Variants in ANTXR1 observed in about 807,000 individuals in gnomAD.
ANTXR1 encodes anthrax toxin receptor 1.
In ANTXR1, 19 loss-of-function variants were observed where a neutral mutation model predicts 78.1. The ratio of observed to expected loss-of-function variants is 0.24; its 90% CI spans 0.17 to 0.36. ANTXR1 has a LOEUF of 0.36. Among genes scored for constraint, ANTXR1 ranks in the 10% least tolerant of loss-of-function variants. ANTXR1 has a pLI of 1.00. For missense variants in ANTXR1, 518 were observed against 718.6 expected (o/e 0.72, Z 3.19); for synonymous variants, 273 against 260.5 (o/e 1.05, Z -0.46).
rs188992227 is a variant in ANTXR1, at chr2:69,179,315, G to A, written c.1090-2471G>A. On this transcript the variant is annotated intron_variant, in intron 14 of 17. Transcript: ENST00000303714. ...TAATCCCAGCACATTGGGAGGCTGA[G>A]GTGAGAGGATCACTTGAGCCCAGGA... Among the ~76,000 whole-genome samples the A allele has an allele frequency of 4.2e-4, 64 of 152,296 alleles. 1 individual carries two copies. The East Asian group carries it at 0.011, about 27-fold the overall frequency.
chr2:69,124,949 G>A (rs1672483827), intron 12 of ANTXR1, among the ~76,000 whole-genome samples: 2 of 152,182 alleles, frequency 1.3e-5, no homozygotes, highest in African/African-American at 4.8e-5. Flanking sequence ...AATGAGGGTG[G>A]AGTCCCAGAT....
chr2:69,120,509 T>A (rs4319965), intron 10 of ANTXR1, among the ~76,000 whole-genome samples: 45,017 of 151,534 alleles, frequency 0.3, 7,940 homozygotes, highest in African/African-American at 0.5. Flanking sequence ...ACTAAAAAAA[T>A]ATATAGAAAT....
intron 17 of ANTXR1, among the ~76,000 whole-genome samples, chr2:69,208,893 T>C (rs543232701): frequency 6.6e-6 from 1 of 152,318 alleles, no homozygotes; most frequent in African/African-American, 2.4e-5. Context: ...TAAGCCAGCA[T>C]GTTAGGTGTT....
chr2:69,182,013 G>T (rs1674288576), intron 15 of ANTXR1, 132 bp downstream of exon 15: 4 of 876,704 alleles, frequency 4.6e-6, no homozygotes, highest in Non-Finnish European at 7.4e-6. Flanking sequence ...CCACACTGAT[G>T]ACTCAATGTC....
At position 69,193,358 on chromosome 2, in the gene ANTXR1, C is replaced by T; in HGVS notation, c.1377C>T (p.Val459=). 1 of 1,613,748 alleles carries T rather than the reference C, an allele frequency of 6.2e-7. No homozygotes were observed. Among genetic ancestry groups the T allele is most frequent in the South Asian group, 1.1e-5 (1 of 91,058 alleles). Residue 459 remains valine (V), a synonymous_variant, in exon 17 of 18, where the codon GTC becomes GTT. Coordinates refer to ENST00000303714, the MANE Select transcript of ANTXR1 (RefSeq NM_032208.3). ...PIKGKLDALW[V]LLRKGYDRVS... ...AGGGAAAACTCGATGCCTTGTGGGT[C>T]CTACTGAGGAAAGGATATGATCGTG...
intron 10 of ANTXR1, among the ~76,000 whole-genome samples, chr2:69,122,635 T>G (rs1194603140): frequency 1.3e-5 from 2 of 152,226 alleles, no homozygotes; most frequent in Non-Finnish European, 2.9e-5. Flanking sequence ...AGGGTACATG[T>G]GCACAACGTG....
At chr2:69,242,207 G>A (rs1675912039) in intron 17 of ANTXR1, among the ~76,000 whole-genome samples, 1 of 152,076 alleles carries the variant, frequency 6.6e-6, no homozygotes, top group Admixed American at 6.5e-5. Flanking sequence ...CCATCCCTCT[G>A]CTGCTCTGGC....
At chr2:69,089,346 T>C (rs1478264153) in intron 8 of ANTXR1, among the ~76,000 whole-genome samples, 1 of 152,254 alleles carries the variant, frequency 6.6e-6, no homozygotes, top group Non-Finnish European at 1.5e-5. Context: ...AATGCTTCTC[T>C]ATAAGGATGC....
chr2:69,030,244 T>C (rs1163385273), intron 1 of ANTXR1, among the ~76,000 whole-genome samples: 2 of 152,174 alleles, frequency 1.3e-5, no homozygotes, highest in African/African-American at 4.8e-5. Context: ...TCTGGACCAG[T>C]TGGTTTCATG....
intron 3 of ANTXR1, among the ~76,000 whole-genome samples, chr2:69,069,054 A>G (rs1214116460): frequency 6.6e-6 from 1 of 152,144 alleles, no homozygotes; most frequent in Non-Finnish European, 1.5e-5. Flanking sequence ...GTTACTTGGT[A>G]TTAAATATTC....
At chr2:69,076,109 G>A (rs1670723436) in intron 7 of ANTXR1, among the ~76,000 whole-genome samples, 1 of 151,932 alleles carries the variant, frequency 6.6e-6, no homozygotes, top group Admixed American at 6.6e-5. Context: ...TGAATAGCTG[G>A]GACTACAGAC....
At chr2:69,045,853 CTTA>C (rs1246220984) in intron 3 of ANTXR1, among the ~76,000 whole-genome samples, 2 of 152,072 alleles carry the variant, frequency 1.3e-5, no homozygotes, top group Non-Finnish European at 2.9e-5. Context: ...TTTCTGATCC[CTTA>C]TTAACAGAAG....
rs879255533 is a variant in ANTXR1 at position 69,245,213 on chromosome 2, A to G, written c.1435-12A>G. ...GTCCGCTCACGTTTCCTTCTCTCCAATTCTTTTCTAGGGGCGCTGCATCAA... is the reference window on the plus strand; with the variant it reads ...GTCCGCTCACGTTTCCTTCTCTCCAGTTCTTTTCTAGGGGCGCTGCATCAA... On this transcript the variant is annotated splice_polypyrimidine_tract_variant and intron_variant, in intron 17 of 17. Transcript: ENST00000303714. 6.2e-7 allele frequency: 1 copy of G among 1,613,854 alleles called. No homozygotes were observed.
intron 17 of ANTXR1, among the ~76,000 whole-genome samples, chr2:69,237,044 CATTAAAT>C (rs1165480285): frequency 3.3e-5 from 5 of 152,176 alleles, no homozygotes; most frequent in African/African-American, 2.4e-5. Flanking sequence ...GGGATTTTAT[CATTAAAT>C]AAGTCATATC....
chr2:69,220,418 G>A (rs766398213), intron 17 of ANTXR1, among the ~76,000 whole-genome samples: 1 of 152,174 alleles, frequency 6.6e-6, no homozygotes, highest in Non-Finnish European at 1.5e-5. Context: ...AGAGCCTGGA[G>A]TGATGAGAAA....
intron 10 of ANTXR1, among the ~76,000 whole-genome samples, chr2:69,120,212 A>G (rs990461992): frequency 6.6e-6 from 1 of 152,236 alleles, no homozygotes; most frequent in Non-Finnish European, 1.5e-5. Flanking sequence ...TTTATTTAAT[A>G]TTATACTGAA....
At chr2:69,172,391 G>A in intron 14 of ANTXR1, 3 of 1,611,370 alleles carry the variant, frequency 1.9e-6, no homozygotes, top group East Asian at 2.2e-5. Flanking sequence ...ATAACAAGAA[G>A]AAGAAAGAAA....
chr2:69,180,735 G>A (rs1674254094), intron 14 of ANTXR1, among the ~76,000 whole-genome samples: 6 of 152,320 alleles, frequency 3.9e-5, no homozygotes, highest in Middle Eastern at 3.4e-3. Flanking sequence ...TCTGTGGAAC[G>A]TACGTTCTAG....
At chr2:69,121,118 C>G in intron 10 of ANTXR1, among the ~76,000 whole-genome samples, 2 of 152,184 alleles carry the variant, frequency 1.3e-5, no homozygotes, top group South Asian at 4.1e-4. Flanking sequence ...AGATGAGGGC[C>G]AGCCCCCTCC....
Sources: allele counts gnomAD v4.1 joint callset (sites outside exome capture counted in the v4.1 genomes callset), GRCh38; gene constraint gnomAD v4.1.1; transcripts MANE v1.5; gene names NCBI Gene and HGNC (gene_info 2026-07-23, HGNC 2026-07-21).